The following DOP1B variants were observed in gnomAD, a reference collection of about 807,000 sequenced individuals.
The protein encoded by DOP1B is protein DOP1B.
Under a neutral mutation model 233.5 loss-of-function variants are expected in DOP1B, and 174 were observed. That is an observed-to-expected ratio of 0.75 (90% CI 0.66 to 0.85). DOP1B has a LOEUF of 0.85. Among genes scored for constraint, DOP1B ranks in the 40% least tolerant of loss-of-function variants. The pLI is 0.00. For missense variants in DOP1B, 2,652 were observed against 2,846.6 expected (o/e 0.93, Z 1.56); for synonymous variants, 1,190 against 1,185.6 (o/e 1.00, Z -0.08).
intron 14 of DOP1B, 21 bp downstream of exon 14, chr21:36,231,155 A>T (rs773246965): frequency 1.9e-5 from 30 of 1,557,440 alleles, no homozygotes; most frequent in Non-Finnish European, 2.5e-5. Context: ...GCCCTGCCGA[A>T]GTCCCTCTTT....
intron 3 of DOP1B, among the ~76,000 whole-genome samples, chr21:36,200,013 C>T (rs961787163): frequency 4.6e-5 from 7 of 152,352 alleles, no homozygotes; most frequent in African/African-American, 1.4e-4. Flanking sequence ...AATCGCCACA[C>T]TGACTTCCAC....
At chr21:36,280,646 T>C (rs936834934) in intron 31 of DOP1B, among the ~76,000 whole-genome samples, 4 of 152,214 alleles carry the variant, frequency 2.6e-5, no homozygotes, top group African/African-American at 9.6e-5. Flanking sequence ...TTCTATAATT[T>C]ACTAGGAGGA....
chr21:36,281,047 C>G (rs2067409930), intron 31 of DOP1B, among the ~76,000 whole-genome samples: 1 of 151,950 alleles, frequency 6.6e-6, no homozygotes, highest in Non-Finnish European at 1.5e-5. Context: ...TGGCTCACGC[C>G]AATCCCAGCA....
rs774766596 is a variant in DOP1B at position 36,219,348 on chromosome 21, T to C, written c.1130-24T>C. 4.3e-6 allele frequency: 7 copies of C among 1,614,010 alleles called. No homozygotes were observed. The South Asian group carries it at 7.7e-5, about 18-fold the overall frequency. On this transcript the variant is annotated intron_variant, in intron 9 of 36. Coordinates refer to ENST00000691173, the MANE Select transcript of DOP1B (RefSeq NM_001320714.2). ...TTAAAGGGGATTGTTAATCTGTCTC[T>C]GACCATCTTCCTTCTAATTACAGGG...
At chr21:36,164,684 G>T in intron 1 of DOP1B, 24 bp from the exon 2 acceptor site, 1 of 1,509,564 alleles carries the variant, frequency 6.6e-7, no homozygotes, top group Non-Finnish European at 8.9e-7. Context: ...TCTCTCATTT[G>T]GTTATTTTTT....
chr21:36,276,734 G>A (rs370772198), intron 27 of DOP1B, among the ~76,000 whole-genome samples: 33 of 151,690 alleles, frequency 2.2e-4, no homozygotes, highest in African/African-American at 7.3e-4. Context: ...CCAGTTACTC[G>A]GGAAGATGAG....
intron 2 of DOP1B, among the ~76,000 whole-genome samples, chr21:36,168,592 A>G (rs931377904): frequency 3.5e-4 from 53 of 151,780 alleles, no homozygotes; most frequent in African/African-American, 1.1e-3. Context: ...CAGTTGTGCA[A>G]TCTTGGCTCC....
chr21:36,157,655 A>G (rs969334683), intron 1 of DOP1B, among the ~76,000 whole-genome samples: 1 of 152,200 alleles, frequency 6.6e-6, no homozygotes, highest in Admixed American at 6.5e-5. Context: ...AGGTGGCTTA[A>G]ATTTTTTCCA....
intron 16 of DOP1B, 48 bp from the exon 17 acceptor site, chr21:36,238,553 G>T: frequency 6.6e-7 from 1 of 1,515,600 alleles, no homozygotes; most frequent in East Asian, 2.3e-5. Context: ...GAAGACAGTG[G>T]TCAGTTACAA....
chr21:36,276,938 C>T lies in DOP1B; in HGVS notation c.5633-83C>T. On this transcript the variant is annotated intron_variant, in intron 27 of 36. Coordinates refer to ENST00000691173, the MANE Select transcript of DOP1B (RefSeq NM_001320714.2). ...GTATGAAAGGCGGGAGCTGATGGCT[C>T]ACATTCATGCAGGGCTTTTGGGGAC... 2.2e-6 allele frequency: 3 copies of T among 1,374,558 alleles called. No individual in the cohort carries two copies. The South Asian group carries it at 3.7e-5, about 17-fold the overall frequency. The allele number at this position is 1,374,558 out of a possible 1,614,324, so 85.1% of individuals were successfully genotyped here. A position where few individuals can be genotyped will look rare whatever the true frequency, so the allele number is the denominator to read the frequency against.
chr21:36,263,779 A>G lies in DOP1B; in HGVS notation c.5452A>G (p.Asn1818Asp). 1 of 1,614,242 alleles carries G rather than the reference A, an allele frequency of 6.2e-7. No individual in the cohort carries two copies. The highest frequency in any genetic ancestry group is 8.5e-7 in the Non-Finnish European group (1 of 1,180,056). Residue 1818 changes from asparagine (N) to aspartate (D), a missense_variant, in exon 26 of 37, where the codon AAC becomes GAC. Around this residue, in one of 3 missense-constraint regions of DOP1B, gnomAD observed 2,617 missense variants for 2,794.3 expected, o/e 0.94. Transcript: ENST00000691173. ...GAATGACTTTGTAACAAGAACTCCC[A>G]ACCTGGAAAACAAGAAGGACCAAAA... Reference protein sequence around the residue: ...MLNDFVTRTPNLENKKDQKDL... With the variant: ...MLNDFVTRTPDLENKKDQKDL...
chr21:36,290,784 C>T (rs1345801778), intron 35 of DOP1B, among the ~76,000 whole-genome samples: 4 of 140,896 alleles, frequency 2.8e-5, no homozygotes, highest in African/African-American at 5.4e-5. Flanking sequence ...GCAACAAAAG[C>T]GAGACTCCAT....
At chr21:36,257,629 G>C (rs900873737) in intron 23 of DOP1B, among the ~76,000 whole-genome samples, 6 of 151,768 alleles carry the variant, frequency 4.0e-5, no homozygotes, top group African/African-American at 1.5e-4. Flanking sequence ...TAGATAGATA[G>C]ATAGATAGAT....
intron 18 of DOP1B, 151 bp downstream of exon 18, chr21:36,240,106 G>A: frequency 1.1e-6 from 1 of 891,852 alleles, no homozygotes; most frequent in Non-Finnish European, 1.6e-6. Flanking sequence ...GCAATTTAAG[G>A]ACCTAGTGAT....
At position 36,245,653 on chromosome 21, in the gene DOP1B, T is replaced by C. The variant is rs1220205591; in HGVS notation, c.3673T>C (p.Phe1225Leu). 3 of 1,613,250 alleles carry C rather than the reference T, an allele frequency of 1.9e-6. No homozygotes were observed. Among genetic ancestry groups the C allele is most frequent in the Middle Eastern group, 1.7e-4 (1 of 6,058 alleles). The change falls in exon 19 of 37, where the codon TTC (phenylalanine) becomes CTC (leucine). Residue 1225 changes from phenylalanine (F) to leucine (L), a missense_variant. Around this residue, in one of 3 missense-constraint regions of DOP1B, gnomAD observed 2,617 missense variants for 2,794.3 expected, o/e 0.94. Transcript: ENST00000691173. The surrounding 1 kb of genome is among the most constrained non-coding windows in gnomAD (Gnocchi z 5.5). ...AAGGCAGGAGGCCGTCGAGGCCTTGTTCAAGCACATCCTGCTCTACCTGCA... is the reference window on the plus strand; with the variant it reads ...AAGGCAGGAGGCCGTCGAGGCCTTGCTCAAGCACATCCTGCTCTACCTGCA... The part of the protein sequence containing the change: ...RERQEAVEAL[F>L]KHILLYLQPY...
chr21:36,247,623 A>T lies in DOP1B; in HGVS notation c.4804A>T (p.Lys1602Ter). Reference sequence around the variant, plus strand: ...TCTTTTGGAACAAGCCAACCAAAACAAAAAGGTAAATTTTTTTTTTTCCTG... The same window carrying T: ...TCTTTTGGAACAAGCCAACCAAAACTAAAAGGTAAATTTTTTTTTTTCCTG... ...FCLLEQANQN[K>*]KTMAAGDPAN... Residue 1602 changes from lysine to a stop codon, truncating the protein, a stop_gained, in exon 20 of 37, where the codon AAA (lysine) becomes TAA (stop). Coordinates refer to ENST00000691173, the MANE Select transcript of DOP1B (RefSeq NM_001320714.2). LOFTEE classifies it high-confidence loss of function. The T allele has an allele frequency of 1.3e-6, 2 of 1,549,772 alleles. No homozygotes were observed. Among genetic ancestry groups the T allele is most frequent in the Non-Finnish European group, 1.7e-6 (2 of 1,164,176 alleles).
chr21:36,221,486 C>A (rs1048528223), intron 10 of DOP1B, among the ~76,000 whole-genome samples: 8 of 152,072 alleles, frequency 5.3e-5, no homozygotes, highest in African/African-American at 1.9e-4. Context: ...CAGAGCGACA[C>A]TTCATCTCAA....
At chr21:36,162,922 G>A (rs1438531809) in intron 1 of DOP1B, among the ~76,000 whole-genome samples, 2 of 152,064 alleles carry the variant, frequency 1.3e-5, no homozygotes, top group East Asian at 1.9e-4. Context: ...AAGCTCTGGT[G>A]CTGGAGGGGC....
chr21:36,206,183 G>C (rs1174383375), intron 4 of DOP1B, among the ~76,000 whole-genome samples: 1 of 152,046 alleles, frequency 6.6e-6, no homozygotes, highest in African/African-American at 2.4e-5. Context: ...TTTCTACTAT[G>C]ATGTCATTTA....
Sources: gnomAD v4.1 joint callset for allele counts (sites outside exome capture counted in the v4.1 genomes callset) on GRCh38, gnomAD v4.1.1 for gene constraint, gnomAD v4.1.1 regional missense constraint, Gnocchi (gnomAD v3.1) non-coding constraint, MANE v1.5 for transcripts, NCBI Gene and HGNC (gene_info 2026-07-23, HGNC 2026-07-21) for gene names.